The following DDX10 variants were observed in gnomAD, a reference collection of about 807,000 sequenced individuals.
DDX10 encodes DEAD-box helicase 10.
In DDX10, 74 loss-of-function variants were observed where a neutral mutation model predicts 104.3. The ratio of observed to expected loss-of-function variants is 0.71; its 90% CI spans 0.59 to 0.86. The LOEUF (loss-of-function observed/expected upper bound fraction) is 0.86, where lower values mean the gene tolerates loss of function less well. DDX10 is among the 40% of genes least tolerant of loss of function. The probability of loss-of-function intolerance (pLI) is 0.00; values close to 1 mark genes in which losing one functional copy is unlikely to be tolerated. For missense variants in DDX10, 952 were observed against 1,040.0 expected (o/e 0.92, Z 1.16); for synonymous variants, 351 against 353.4 (o/e 0.99, Z 0.08).
Position 108,940,569 on chromosome 11 carries a change from A to C in DDX10, c.*146A>C, listed in dbSNP as rs1161001978. Reference sequence around the variant, plus strand: ...TCTGGATAGAAGCGATCGTATCTCCAAGTCCCTCTCACAGGACATGCTTTG... The same window carrying C: ...TCTGGATAGAAGCGATCGTATCTCCCAGTCCCTCTCACAGGACATGCTTTG... On this transcript the variant is annotated 3_prime_UTR_variant, in exon 18 of 18. Transcript: ENST00000322536. 4.2e-6 allele frequency: 3 copies of C among 715,920 alleles called. No individual in the cohort carries two copies. The highest frequency in any genetic ancestry group is 3.0e-5 in the Admixed American group (1 of 33,322). 44.3% of individuals were successfully genotyped at this position (715,920 alleles called of 1,614,324 possible).
intron 7 of DDX10, chr11:108,690,722 A>T (rs528901615): frequency 5.1e-6 from 1 of 195,632 alleles, no homozygotes; most frequent in East Asian, 1.6e-4. Context: ...TGCCCCCAGG[A>T]AAATGTCAAG....
chr11:108,705,477 C>T (rs1051234354), intron 9 of DDX10, among the ~76,000 whole-genome samples: 1 of 152,140 alleles, frequency 6.6e-6, no homozygotes, highest in Admixed American at 6.5e-5. Context: ...GTTTATTGCC[C>T]ATGGTTGTCC....
chr11:108,668,295 AGTCT>A (rs1429078330), intron 1 of DDX10, among the ~76,000 whole-genome samples: 1 of 152,336 alleles, frequency 6.6e-6, no homozygotes, highest in East Asian at 1.9e-4. Flanking sequence ...TAAGCCAGGT[AGTCT>A]GATACCAGTG....
Position 108,723,304 on chromosome 11 carries a change from C to A in DDX10, c.1807C>A (p.Gln603Lys), listed in dbSNP as rs1236754388. Reference protein sequence around the residue: ...EEKLAKAKGSQAPSLPNTSEA... With the variant: ...EEKLAKAKGSKAPSLPNTSEA... ...GAAACTGGCAAAAGCAAAAGGATCT[C>A]AAGCCCCATCTCTTCCTAACACCAG... is the stretch of plus-strand genomic sequence containing the variant. The change falls in exon 13 of 18, where the codon CAA becomes AAA. Residue 603 changes from glutamine (Q) to lysine (K), a missense_variant. Gln to Lys is a moderately conservative substitution (Grantham distance 53). Around this residue, in one of 3 missense-constraint regions of DDX10, gnomAD observed 533 missense variants for 534.1 expected, o/e 1.00. Coordinates refer to ENST00000322536, the MANE Select transcript of DDX10 (RefSeq NM_004398.4). 5.0e-6 allele frequency: 8 copies of A among 1,613,740 alleles called. No individual in the cohort carries two copies. The highest frequency in any genetic ancestry group is 1.3e-5 in the African/African-American group (1 of 74,918).
chr11:108,765,945 A>G (rs2094355891), intron 13 of DDX10, among the ~76,000 whole-genome samples: 1 of 152,228 alleles, frequency 6.6e-6, no homozygotes, highest in South Asian at 2.1e-4. Flanking sequence ...GAAGTATTGA[A>G]TCATAGGTGC....
intron 16 of DDX10, among the ~76,000 whole-genome samples, chr11:108,895,722 C>T (rs979141555): frequency 6.6e-6 from 1 of 151,990 alleles, no homozygotes; most frequent in Non-Finnish European, 1.5e-5. Flanking sequence ...TAATACAGAG[C>T]TAGTAGCAGA....
intron 17 of DDX10, among the ~76,000 whole-genome samples, chr11:108,933,003 C>T (rs1279177322): frequency 1.3e-5 from 2 of 151,968 alleles, no homozygotes; most frequent in East Asian, 3.9e-4. Context: ...GTGCTACATG[C>T]TGTTAAAGAA....
At chr11:108,679,924 A>G (rs914167104) in intron 6 of DDX10, among the ~76,000 whole-genome samples, 2 of 152,146 alleles carry the variant, frequency 1.3e-5, no homozygotes, top group South Asian at 2.1e-4. Context: ...AACCTTTAAT[A>G]TTTTCAGGGA....
chr11:108,671,194 C>T (rs1048003138), intron 1 of DDX10, among the ~76,000 whole-genome samples: 3 of 152,278 alleles, frequency 2.0e-5, no homozygotes, highest in African/African-American at 4.8e-5. Flanking sequence ...GGTAGAGTCT[C>T]GCTCTGTTGC....
intron 17 of DDX10, among the ~76,000 whole-genome samples, chr11:108,931,040 C>T (rs1343492573): frequency 6.6e-6 from 1 of 152,218 alleles, no homozygotes; most frequent in Non-Finnish European, 1.5e-5. Context: ...CAGACCCCTA[C>T]CCCATTCAGT....
Position 108,937,445 on chromosome 11 carries a change from A to C in DDX10, c.2451-2801A>C, listed in dbSNP as rs952185132. Among the ~76,000 whole-genome samples the C allele has an allele frequency of 2.6e-5, 4 of 152,358 alleles. No individual in the cohort carries two copies. In the South Asian group the frequency reaches 6.2e-4, roughly 24 times the overall value. ...AAAATTTAGAAATTCAGAAAGTTATATTCCATTTAAAACTCAATTACAAAT... is the reference window on the plus strand; with the variant it reads ...AAAATTTAGAAATTCAGAAAGTTATCTTCCATTTAAAACTCAATTACAAAT... On this transcript the variant is annotated intron_variant, in intron 17 of 17. Coordinates refer to ENST00000322536, the MANE Select transcript of DDX10 (RefSeq NM_004398.4).
At chr11:108,869,296 A>G (rs747732419) in intron 16 of DDX10, among the ~76,000 whole-genome samples, 41 of 151,818 alleles carry the variant, frequency 2.7e-4, no homozygotes, top group Non-Finnish European at 4.6e-4. Flanking sequence ...ATGCTCTGTC[A>G]TGGCTTATGC....
At chr11:108,791,708 T>C (rs1173086841) in intron 13 of DDX10, among the ~76,000 whole-genome samples, 1 of 152,198 alleles carries the variant, frequency 6.6e-6, no homozygotes, top group Admixed American at 6.5e-5. Context: ...AAACCTTGTT[T>C]CTCTACTAGT....
chr11:108,713,537 G>A (rs537958071), intron 10 of DDX10, among the ~76,000 whole-genome samples: 1 of 152,096 alleles, frequency 6.6e-6, no homozygotes, highest in East Asian at 1.9e-4. Context: ...ATCTTATTAT[G>A]TTGCTCATCT....
At chr11:108,749,500 TAAAG>T (rs2094335886) in intron 13 of DDX10, among the ~76,000 whole-genome samples, 3 of 152,186 alleles carry the variant, frequency 2.0e-5, no homozygotes. Context: ...TTGTTACACT[TAAAG>T]AAATCATATA....
At chr11:108,821,050 T>A (rs1331086422) in intron 13 of DDX10, among the ~76,000 whole-genome samples, 1 of 152,172 alleles carries the variant, frequency 6.6e-6, no homozygotes, top group African/African-American at 2.4e-5. Flanking sequence ...ATGTGCTTGC[T>A]CAAGGAATTA....
At chr11:108,864,148 A>G (rs1438124965) in intron 16 of DDX10, among the ~76,000 whole-genome samples, 1 of 152,218 alleles carries the variant, frequency 6.6e-6, no homozygotes, top group East Asian at 1.9e-4. Context: ...AATGTGAGCC[A>G]TGATTAATTA....
chr11:108,842,702 A>C (rs1862657661), intron 15 of DDX10, among the ~76,000 whole-genome samples: 1 of 152,236 alleles, frequency 6.6e-6, no homozygotes, highest in Non-Finnish European at 1.5e-5. Context: ...CATTTCTTGC[A>C]TTGCTGCTCT....
chr11:108,855,710 C>T (rs549711095), intron 16 of DDX10, among the ~76,000 whole-genome samples: 75 of 152,248 alleles, frequency 4.9e-4, no homozygotes, highest in African/African-American at 1.7e-3. Context: ...CCACCCTCCT[C>T]GGCCTCCCAA....
Sources: gnomAD v4.1 joint callset for allele counts (sites outside exome capture counted in the v4.1 genomes callset) on GRCh38, gnomAD v4.1.1 for gene constraint, gnomAD v4.1.1 regional missense constraint, MANE v1.5 for transcripts, NCBI Gene and HGNC (gene_info 2026-07-23, HGNC 2026-07-21) for gene names.